GNB5: variants seen among roughly 807,000 people sequenced by gnomAD.
GNB5 encodes guanine nucleotide-binding protein subunit beta-5.
A neutral mutation model predicts 55.3 loss-of-function variants in GNB5; 37 were observed. The ratio of observed to expected loss-of-function variants is 0.67; its 90% CI spans 0.51 to 0.88. The LOEUF (loss-of-function observed/expected upper bound fraction) is 0.88, where lower values mean the gene tolerates loss of function less well. GNB5 is among the 40% of genes least tolerant of loss of function. The pLI, the probability that GNB5 is intolerant of heterozygous loss-of-function variation, is 0.00. For missense variants in GNB5, 476 were observed against 515.3 expected, an observed-to-expected ratio of 0.92 and a Z score of 0.74; for synonymous variants, 219 against 198.5, an observed-to-expected ratio of 1.10 and a Z score of -0.87.
At chr15:52,180,430 C>T (rs778509682) in intron 2 of GNB5, 2 of 152,286 alleles carry the variant, frequency 1.3e-5, no homozygotes, top group African/African-American at 4.8e-5. Context: ...CAACAAGGAA[C>T]CGGAAACCCT....
Position 52,152,723 on chromosome 15 carries a change from T to C in GNB5, c.375+1217A>G, listed in dbSNP as rs2034125782. On this transcript the variant is annotated intron_variant, in intron 4 of 12. Transcript: ENST00000261837. ...TCAGCTCACTGCAGCCTTGACCTCC[T>C]ACACCCAAACGATACTCCCACCTCA... is the stretch of plus-strand genomic sequence containing the variant. Among the ~76,000 whole-genome samples, 4 of 151,446 alleles carry C rather than the reference T, an allele frequency of 2.6e-5. No individual in the cohort carries two copies. In the South Asian group the frequency reaches 8.3e-4, roughly 32 times the overall value.
Position 52,126,362 on chromosome 15 carries a change from T to C in GNB5, c.913-318A>G, listed in dbSNP as rs961871703. Among the ~76,000 whole-genome samples the C allele has an allele frequency of 2.2e-4, 34 of 152,262 alleles. 1 individual carries two copies. The highest frequency in any genetic ancestry group is 7.9e-4 in the African/African-American group (33 of 41,550). On this transcript the variant is annotated intron_variant, in intron 10 of 12. Transcript: ENST00000261837. ...AGGACACATGTTCACTGTAGAAAAT[T>C]TGGAAATATTCAAAAATGTAAACAG...
chr15:52,184,782 G>A, intron 1 of GNB5, 88 bp from the exon 2 acceptor site: 1 of 1,081,620 alleles, frequency 9.2e-7, no homozygotes, highest in Non-Finnish European at 1.4e-6. Context: ...TACCGTGGTA[G>A]CTATTCAGAC....
intron 5 of GNB5, among the ~76,000 whole-genome samples, chr15:52,147,779 C>T (rs544030481): frequency 1.2e-4 from 18 of 152,168 alleles, no homozygotes; most frequent in African/African-American, 3.4e-4. Flanking sequence ...GATGGGGTTT[C>T]GCCATGTTGG....
chr15:52,135,780 G>A (rs376117996), intron 7 of GNB5, 24 bp from the exon 8 acceptor site: 100 of 1,609,848 alleles, frequency 6.2e-5, no homozygotes, highest in Non-Finnish European at 7.6e-5. Context: ...AGGACAGGAA[G>A]TGGGTGGTTG....
In GNB5 at chr15:52,118,034, A is replaced by G; in HGVS notation, c.*4723T>C. 1 of 153,042 alleles carries G rather than the reference A, an allele frequency of 6.5e-6. No individual in the cohort carries two copies. The highest frequency in any genetic ancestry group is 1.5e-5 in the Non-Finnish European group (1 of 68,604). The allele number at this position is 153,042 out of a possible 1,614,324, so 9.5% of individuals were successfully genotyped here. A position where few individuals can be genotyped will look rare whatever the true frequency, so the allele number is the denominator to read the frequency against. On this transcript the variant is annotated 3_prime_UTR_variant, in exon 13 of 13. Coordinates refer to ENST00000261837, the MANE Select transcript of GNB5 (RefSeq NM_016194.4). ...CAGGCTTCCAGGCGTCCTCTTTTGA[A>G]AGGATTTTCAGGTCACAGGCCTCAG...
chr15:52,124,766 G>T, intron 11 of GNB5, 127 bp from the exon 12 acceptor site: 1 of 767,744 alleles, frequency 1.3e-6, no homozygotes, highest in Non-Finnish European at 2.2e-6. Flanking sequence ...ACTGTGCTTT[G>T]CCTCAAGGAT....
In GNB5 at chr15:52,179,862, C is replaced by T; in HGVS notation, c.144G>A (p.Leu48=). 1.3e-6 allele frequency: 2 copies of T among 1,548,294 alleles called. No homozygotes were observed. The highest frequency in any genetic ancestry group is 2.4e-5 in the South Asian group (2 of 84,452). Residue 48 remains leucine, a synonymous_variant, in exon 3 of 13, where the codon CTG becomes CTA. Coordinates refer to ENST00000261837, the MANE Select transcript of GNB5 (RefSeq NM_016194.4). ...TCAEIMATEG[L]HENETLASLK... Reference sequence around the variant, plus strand: ...GCGACGCCAGCGTCTCGTTCTCGTGCAGCCCCTCGGTTGCCATCTTCGCGC... The same window carrying T: ...GCGACGCCAGCGTCTCGTTCTCGTGTAGCCCCTCGGTTGCCATCTTCGCGC...
intron 3 of GNB5, among the ~76,000 whole-genome samples, chr15:52,169,226 A>C (rs1412273967): frequency 6.6e-6 from 1 of 151,942 alleles, no homozygotes. Context: ...AGGCTGAGGC[A>C]CTTGAATCAC....
At chr15:52,140,764 G>A (rs2033833200) in intron 7 of GNB5, among the ~76,000 whole-genome samples, 1 of 152,216 alleles carries the variant, frequency 6.6e-6, no homozygotes, top group South Asian at 2.1e-4. Flanking sequence ...TGTAAAGTGA[G>A]ATGCATGCAG....
rs1377560187 is a variant in GNB5, at chr15:52,128,241, G to A, written c.867C>T (p.Tyr289=). Residue 289 remains tyrosine (Y), a synonymous_variant, in exon 10 of 13, where the codon TAC becomes TAT. Coordinates refer to ENST00000261837, the MANE Select transcript of GNB5 (RefSeq NM_016194.4). ...THESDINSVR[Y]YPSGDAFASG... is the part of the protein sequence containing the mutation. ...AAGCAAAGGCATCTCCACTGGGGTA[G>A]TACCTGCAGAGAGAAAGTACTTTAT... The A allele has an allele frequency of 4.4e-6, 7 of 1,604,964 alleles. No individual in the cohort carries two copies. Among genetic ancestry groups the A allele is most frequent in the Non-Finnish European group, 6.0e-6 (7 of 1,171,650 alleles).
chr15:52,164,379 G>A (rs1016858633), intron 3 of GNB5, among the ~76,000 whole-genome samples: 15 of 150,466 alleles, frequency 1.0e-4, no homozygotes, highest in Non-Finnish European at 2.1e-4. Flanking sequence ...AGCACTTTGG[G>A]AGGCCGAGGC....
intron 3 of GNB5, among the ~76,000 whole-genome samples, chr15:52,179,553 G>A (rs1217664946): frequency 1.3e-5 from 2 of 151,664 alleles, no homozygotes; most frequent in Non-Finnish European, 3.0e-5. Context: ...CCAGGTGCCC[G>A]GACCCTCCGA....
chr15:52,128,268 T>G, intron 9 of GNB5, 24 bp from the exon 10 acceptor site: 1 of 1,558,808 alleles, frequency 6.4e-7, no homozygotes, highest in Non-Finnish European at 8.9e-7. Flanking sequence ...GTACTTTATC[T>G]ACGGTTGTGA....
intron 3 of GNB5, among the ~76,000 whole-genome samples, chr15:52,164,308 TAAAAAAAAAAAAAAAA>T (rs56029917): frequency 6.0e-5 from 3 of 50,420 alleles, no homozygotes; most frequent in Non-Finnish European, 1.2e-4. Flanking sequence ...GACTCTGTCT[TAAAAAAAAAAAAAAAA>T]AAAAAAAAAA....
intron 5 of GNB5, 109 bp downstream of exon 5, chr15:52,149,775 A>C (rs749298247): frequency 1.2e-6 from 1 of 805,826 alleles, no homozygotes; most frequent in Non-Finnish European, 2.2e-6. Context: ...AACTGCTTGC[A>C]GGGATACATG....
intron 7 of GNB5, chr15:52,137,867 G>A (rs1427621624): frequency 7.8e-7 from 1 of 1,286,732 alleles, no homozygotes; most frequent in African/African-American, 1.5e-5. Context: ...GCCTGGGTGA[G>A]GTGATAAGAC....
intron 8 of GNB5, among the ~76,000 whole-genome samples, chr15:52,134,919 T>C (rs1033795926): frequency 8.6e-5 from 13 of 152,006 alleles, no homozygotes; most frequent in African/African-American, 3.1e-4. Flanking sequence ...CATCTACTGC[T>C]TGTACCATCC....
chr15:52,160,484 T>C (rs918902003), intron 3 of GNB5, among the ~76,000 whole-genome samples: 1 of 152,150 alleles, frequency 6.6e-6, no homozygotes, highest in African/African-American at 2.4e-5. Flanking sequence ...GGAGGAGCCA[T>C]GAAAACTAGA....
Sources: gnomAD v4.1 joint callset for allele counts (sites outside exome capture counted in the v4.1 genomes callset) on GRCh38, gnomAD v4.1.1 for gene constraint, MANE v1.5 for transcripts, NCBI Gene and HGNC (gene_info 2026-07-23, HGNC 2026-07-21) for gene names.